Variants in ADAM23 observed in about 807,000 individuals in gnomAD.
ADAM23 encodes the protein ADAM metallopeptidase domain 23.
Under a neutral mutation model 120.1 loss-of-function variants are expected in ADAM23, and 33 were observed. The ratio of observed to expected loss-of-function variants is 0.27; its 90% CI spans 0.21 to 0.37. The LOEUF (loss-of-function observed/expected upper bound fraction) is 0.37, where lower values mean the gene tolerates loss of function less well. Among genes scored for constraint, ADAM23 ranks in the 10% least tolerant of loss-of-function variants. The pLI, the probability that ADAM23 is intolerant of heterozygous loss-of-function variation, is 1.00. For missense variants in ADAM23, 862 were observed against 1,058.2 expected (o/e 0.81, Z 2.57); for synonymous variants, 367 against 375.2 (o/e 0.98, Z 0.25).
chr2:206,558,132 T>C (rs1697683349), intron 10 of ADAM23, among the ~76,000 whole-genome samples: 1 of 152,160 alleles, frequency 6.6e-6, no homozygotes, highest in Non-Finnish European at 1.5e-5. Context: ...TTACAGAAAA[T>C]GCTTAAGATT....
At chr2:206,585,407 C>A (rs1034195124) in intron 18 of ADAM23, among the ~76,000 whole-genome samples, 1 of 152,218 alleles carries the variant, frequency 6.6e-6, no homozygotes, top group Non-Finnish European at 1.5e-5. Context: ...CCCTTGAATA[C>A]TCACCAGATT....
At chr2:206,517,129 A>G (rs370756099) in intron 3 of ADAM23, among the ~76,000 whole-genome samples, 12 of 152,352 alleles carry the variant, frequency 7.9e-5, no homozygotes, top group South Asian at 2.1e-4. Flanking sequence ...TTTGAAATAT[A>G]CTAAAGAGGA....
intron 3 of ADAM23, among the ~76,000 whole-genome samples, chr2:206,482,938 T>C (rs953132378): frequency 5.3e-5 from 8 of 152,246 alleles, no homozygotes; most frequent in Admixed American, 2.0e-4. Flanking sequence ...TAGAGGAGCA[T>C]GAGCCTTTTG....
intron 18 of ADAM23, among the ~76,000 whole-genome samples, chr2:206,573,400 G>A (rs551842494): frequency 4.6e-5 from 7 of 152,072 alleles, no homozygotes; most frequent in South Asian, 2.1e-4. Context: ...TATACACATC[G>A]CCTGAAGGTA....
At chr2:206,571,210 T>C (rs1697988942) in intron 16 of ADAM23, among the ~76,000 whole-genome samples, 1 of 151,768 alleles carries the variant, frequency 6.6e-6, no homozygotes. Context: ...GCGCGGTGGC[T>C]GACGCCTGTA....
chr2:206,520,407 T>G (rs1696818492), intron 3 of ADAM23, among the ~76,000 whole-genome samples: 1 of 152,228 alleles, frequency 6.6e-6, no homozygotes, highest in Admixed American at 6.5e-5. Flanking sequence ...AAAGTACACA[T>G]TAGCATTTGC....
intron 3 of ADAM23, among the ~76,000 whole-genome samples, chr2:206,482,980 C>T (rs1277850988): frequency 4.6e-5 from 7 of 152,060 alleles, no homozygotes; most frequent in East Asian, 3.9e-4. Flanking sequence ...AAGATTGAGA[C>T]GAGGAAGATG....
chr2:206,548,573 T>G (rs1697448439), intron 8 of ADAM23, among the ~76,000 whole-genome samples: 1 of 152,254 alleles, frequency 6.6e-6, no homozygotes, highest in Admixed American at 6.5e-5. Context: ...CGGTAGTCTC[T>G]GAACCCTGAC....
intron 5 of ADAM23, 59 bp downstream of exon 5, chr2:206,542,193 G>T: frequency 6.6e-7 from 1 of 1,522,982 alleles, no homozygotes; most frequent in South Asian, 1.1e-5. Context: ...CCCTTTTATG[G>T]ATATATATAT....
At chr2:206,583,188 C>T (rs1698252051) in intron 18 of ADAM23, among the ~76,000 whole-genome samples, 1 of 152,212 alleles carries the variant, frequency 6.6e-6, no homozygotes. Context: ...GGCACAGTGG[C>T]TCATGCTTGT....
chr2:206,573,246 A>G (rs759597491), intron 18 of ADAM23, 51 bp downstream of exon 18: 2 of 1,542,932 alleles, frequency 1.3e-6, no homozygotes, highest in Admixed American at 1.7e-5. Flanking sequence ...CAGGTTGAGT[A>G]TTCCTTACCA....
chr2:206,470,398 A>G (rs966154377), intron 2 of ADAM23, among the ~76,000 whole-genome samples: 2 of 152,200 alleles, frequency 1.3e-5, no homozygotes, highest in African/African-American at 2.4e-5. Context: ...GAGATTCTGC[A>G]TAGTGGTCAG....
At chr2:206,512,651 A>G (rs912741857) in intron 3 of ADAM23, among the ~76,000 whole-genome samples, 1 of 152,222 alleles carries the variant, frequency 6.6e-6, no homozygotes, top group African/African-American at 2.4e-5. Context: ...AACTCTGAAA[A>G]AGACTTTTTT....
intron 21 of ADAM23, 44 bp downstream of exon 21, chr2:206,589,558 C>G: frequency 6.6e-7 from 1 of 1,508,502 alleles, no homozygotes; most frequent in African/African-American, 1.4e-5. Context: ...ACTTGGAAGC[C>G]CTTCTTATGC....
At chr2:206,476,057 C>T (rs1012823508) in intron 2 of ADAM23, among the ~76,000 whole-genome samples, 1 of 152,094 alleles carries the variant, frequency 6.6e-6, no homozygotes, top group Non-Finnish European at 1.5e-5. Context: ...AGAAGACAGG[C>T]ATCTGCTTAC....
chr2:206,455,553 G>A (rs1695280634), intron 2 of ADAM23, among the ~76,000 whole-genome samples: 1 of 152,170 alleles, frequency 6.6e-6, no homozygotes, highest in African/African-American at 2.4e-5. Context: ...TGGTCAGGCT[G>A]CAAATTTTCC....
intron 11 of ADAM23, 152 bp downstream of exon 11, chr2:206,560,270 G>C (rs188313648): frequency 6.4e-6 from 5 of 786,064 alleles, no homozygotes; most frequent in African/African-American, 1.7e-5. Context: ...CATGGAGTTA[G>C]GATATCCCAT....
At chr2:206,491,691 G>T (rs2105886079) in intron 3 of ADAM23, among the ~76,000 whole-genome samples, 1 of 152,304 alleles carries the variant, frequency 6.6e-6, no homozygotes, top group Non-Finnish European at 1.5e-5. Flanking sequence ...GTTTATTACA[G>T]TAGTTACTGA....
chr2:206,566,537 TTAAG>T (rs1362152232), intron 14 of ADAM23, among the ~76,000 whole-genome samples: 1 of 152,188 alleles, frequency 6.6e-6, no homozygotes. Flanking sequence ...TTATATTTGA[TTAAG>T]TAATTCACAG....
Sources: gnomAD v4.1 joint callset for allele counts (sites outside exome capture counted in the v4.1 genomes callset) on GRCh38, gnomAD v4.1.1 for gene constraint, MANE v1.5 for transcripts, NCBI Gene and HGNC (gene_info 2026-07-23, HGNC 2026-07-21) for gene names.